Variants in PCLO observed in about 807,000 individuals in gnomAD.
PCLO encodes the protein piccolo presynaptic cytomatrix protein, also known as protein piccolo.
A neutral mutation model predicts 427.5 loss-of-function variants in PCLO; 82 were observed. The observed-to-expected ratio is 0.19, with a 90% CI of 0.16 to 0.23. The LOEUF (loss-of-function observed/expected upper bound fraction) is 0.23. PCLO is among the 10% of genes least tolerant of loss of function. The pLI, the probability that PCLO is intolerant of heterozygous loss-of-function variation, is 1.00. For missense variants in PCLO, 6,239 were observed against 6,115.9 expected (o/e 1.02, Z -0.67); for synonymous variants, 2,357 against 2,155.4 (o/e 1.09, Z -2.59).
intron 4 of PCLO, 54 bp downstream of exon 4, chr7:82,965,717 A>G: frequency 7.9e-7 from 1 of 1,270,392 alleles, no homozygotes; most frequent in Non-Finnish European, 1.1e-6. Context: ...ACTTAGGTTA[A>G]AAATTAGTAA....
chr7:83,105,411 T>C (rs969167613), intron 3 of PCLO, among the ~76,000 whole-genome samples: 15 of 152,224 alleles, frequency 9.9e-5, no homozygotes, highest in African/African-American at 3.6e-4. Context: ...GCTATTTATA[T>C]ATCCTCAGTC....
rs771762408 is a variant in PCLO at position 82,824,372 on chromosome 7, T to C, written c.14460A>G (p.Pro4820=). The C allele has an allele frequency of 3.1e-6, 5 of 1,611,922 alleles. No homozygotes were observed. In the African/African-American group the frequency reaches 6.7e-5, roughly 22 times the overall value. The change falls in exon 19 of 25, where the codon CCA becomes CCG. Residue 4820 remains proline, a synonymous_variant. Transcript: ENST00000333891. ...TCTGTTCTTTGAGAGGATACCACCT[T>C]GGAGTGTTATCGAGGTGAGATGTGC... ...LSSTSHLDNT[P]RWYPLKEQTE...
chr7:83,037,963 A>G (rs1788836173), intron 3 of PCLO, among the ~76,000 whole-genome samples: 1 of 101,616 alleles, frequency 9.8e-6, no homozygotes, highest in Non-Finnish European at 2.0e-5. Context: ...TTCCCGTGTT[A>G]GTTGTGTGGA....
Position 83,089,427 on chromosome 7 carries a change from C to G in PCLO, c.3300+44823G>C, listed in dbSNP as rs143952655. 9.1e-4 allele frequency among the ~76,000 whole-genome samples: 138 copies of G among 152,212 alleles called. 1 individual carries two copies. The highest frequency in any genetic ancestry group is 3.2e-3 in the African/African-American group (132 of 41,544). Reference sequence around the variant, plus strand: ...TATAGAACTCTGTCCTTTCTCCCCCCTGACCAAAATGCTCATTTCTCCCTT... The same window carrying G: ...TATAGAACTCTGTCCTTTCTCCCCCGTGACCAAAATGCTCATTTCTCCCTT... On this transcript the variant is annotated intron_variant, in intron 3 of 24. Transcript: ENST00000333891.
chr7:82,982,759 T>C (rs1331015215), intron 3 of PCLO, among the ~76,000 whole-genome samples: 1 of 152,026 alleles, frequency 6.6e-6, no homozygotes, highest in Non-Finnish European at 1.5e-5. Flanking sequence ...ATTTTGGTCA[T>C]ATTTTAATAT....
chr7:83,040,161 T>G (rs944101336), intron 3 of PCLO, among the ~76,000 whole-genome samples: 1 of 152,134 alleles, frequency 6.6e-6, no homozygotes, highest in African/African-American at 2.4e-5. Context: ...TTTGTACATT[T>G]TAGGTAATAG....
At chr7:83,117,999 C>T (rs918472519) in intron 3 of PCLO, among the ~76,000 whole-genome samples, 1 of 152,086 alleles carries the variant, frequency 6.6e-6, no homozygotes, top group Non-Finnish European at 1.5e-5. Context: ...AATCTAGGAA[C>T]ATAAACTGTG....
At chr7:83,036,720 A>G (rs1021421643) in intron 3 of PCLO, among the ~76,000 whole-genome samples, 6 of 152,054 alleles carry the variant, frequency 3.9e-5, no homozygotes, top group African/African-American at 1.4e-4. Context: ...TGGGGTGAGA[A>G]GTTATTTGGA....
intron 4 of PCLO, among the ~76,000 whole-genome samples, chr7:82,960,317 G>C (rs1182714140): frequency 3.9e-5 from 6 of 152,166 alleles, no homozygotes; most frequent in Admixed American, 3.9e-4. Context: ...TGGAGTGAAA[G>C]ATCGGATGCT....
At chr7:82,946,353 A>T (rs770466969) in intron 6 of PCLO, among the ~76,000 whole-genome samples, 2 of 152,214 alleles carry the variant, frequency 1.3e-5, no homozygotes, top group African/African-American at 2.4e-5. Flanking sequence ...TAGTGGCAAG[A>T]GAAGCAAAAT....
Position 82,799,799 on chromosome 7 carries a change from C to G in PCLO, c.15007+1719G>C, listed in dbSNP as rs191913593. 1.2e-3 allele frequency among the ~76,000 whole-genome samples: 189 copies of G among 152,276 alleles called. 1 individual carries two copies. The highest frequency in any genetic ancestry group is 4.5e-3 in the African/African-American group (188 of 41,554). ...CTTGCTCCCAGAAAGCAGGCTTGTC[C>G]TGGTTTCGGCTCTCGCTGTCCTCTA... is the stretch of plus-strand genomic sequence containing the variant. On this transcript the variant is annotated intron_variant, in intron 22 of 24. Coordinates refer to ENST00000333891, the MANE Select transcript of PCLO (RefSeq NM_033026.6).
intron 22 of PCLO, among the ~76,000 whole-genome samples, chr7:82,784,864 A>T (rs1209841508): frequency 6.6e-6 from 1 of 151,890 alleles, no homozygotes; most frequent in Non-Finnish European, 1.5e-5. Flanking sequence ...GATCTAGATA[A>T]TTTTTTTCTG....
intron 3 of PCLO, among the ~76,000 whole-genome samples, chr7:83,101,229 G>A (rs2116487737): frequency 6.6e-6 from 1 of 151,720 alleles, no homozygotes; most frequent in East Asian, 1.9e-4. Context: ...TATATCCCAT[G>A]AAAGACAATC....
chr7:82,848,332 A>ATTTTTG (rs977004495), intron 10 of PCLO, among the ~76,000 whole-genome samples: 14 of 120,236 alleles, frequency 1.2e-4, no homozygotes, highest in East Asian at 5.9e-4. Context: ...TTTTTTTTTA[A>ATTTTTG]ACAGGTCCCA....
chr7:82,854,506 A>G (rs1431514155), intron 10 of PCLO, among the ~76,000 whole-genome samples: 1 of 152,188 alleles, frequency 6.6e-6, no homozygotes, highest in East Asian at 1.9e-4. Context: ...TTATAAATGA[A>G]TATTCTTTCA....
chr7:83,088,052 A>T (rs1790284189), intron 3 of PCLO, among the ~76,000 whole-genome samples: 1 of 152,214 alleles, frequency 6.6e-6, no homozygotes, highest in Admixed American at 6.5e-5. Context: ...AATTTTACAA[A>T]TCGCTCCTTT....
chr7:83,012,118 T>C (rs886169566), intron 3 of PCLO, among the ~76,000 whole-genome samples: 2 of 151,906 alleles, frequency 1.3e-5, no homozygotes, highest in Admixed American at 6.6e-5. Flanking sequence ...AACTGACAAA[T>C]GAGTAAAGCA....
At chr7:82,795,112 A>G (rs1791198553) in intron 22 of PCLO, among the ~76,000 whole-genome samples, 1 of 152,182 alleles carries the variant, frequency 6.6e-6, no homozygotes, top group Admixed American at 6.5e-5. Context: ...CTCCTTAATT[A>G]ACCTGAAAAT....
In PCLO at chr7:82,789,539, C is replaced by G. The variant is rs189116957; in HGVS notation, c.15007+11979G>C. Among the ~76,000 whole-genome samples the G allele has an allele frequency of 2.7e-3, 414 of 152,248 alleles. 3 individuals carry two copies. The highest frequency in any genetic ancestry group is 3.2e-3 in the Non-Finnish European group (215 of 68,014). On this transcript the variant is annotated intron_variant, in intron 22 of 24. Transcript: ENST00000333891. ...TGGCCAACATGGTGAAACCCCATCT[C>G]TACTAAAAATACAAAAGTTAACTGG...
Sources: allele counts gnomAD v4.1 joint callset (sites outside exome capture counted in the v4.1 genomes callset), GRCh38; gene constraint gnomAD v4.1.1; transcripts MANE v1.5; gene names NCBI Gene and HGNC (gene_info 2026-07-23, HGNC 2026-07-21).